Variants in CTPS1 observed in about 807,000 individuals in gnomAD.
CTPS1 encodes CTP synthase 1.
CTPS1 carries 25 observed loss-of-function variants against 80.5 expected under a neutral mutation model. That is an observed-to-expected ratio of 0.31 (90% CI 0.23 to 0.43). CTPS1 has a LOEUF of 0.43. CTPS1 is among the 20% of genes least tolerant of loss of function. The pLI is 1.00. For missense variants in CTPS1, 442 were observed against 725.7 expected, an observed-to-expected ratio of 0.61 and a Z score of 4.49; for synonymous variants, 267 against 252.5, an observed-to-expected ratio of 1.06 and a Z score of -0.54.
chr1:41,010,291 T>C, intron 18 of CTPS1, 37 bp downstream of exon 18: 2 of 1,421,324 alleles, frequency 1.4e-6, no homozygotes, highest in Middle Eastern at 1.8e-4. Flanking sequence ...TTTAAAAACA[T>C]GGTGATAACA....
intron 9 of CTPS1, among the ~76,000 whole-genome samples, chr1:40,998,242 C>A (rs898579750): frequency 1.3e-5 from 2 of 151,940 alleles, no homozygotes; most frequent in East Asian, 3.9e-4. Flanking sequence ...ACTTACAATA[C>A]AAAACATTAG....
At position 41,002,141 on chromosome 1, in the gene CTPS1, G is replaced by A. The variant is rs763044980; in HGVS notation, c.1095-19G>A. 1 of 1,611,758 alleles carries A rather than the reference G, an allele frequency of 6.2e-7. No homozygotes were observed. Among genetic ancestry groups the A allele is most frequent in the Non-Finnish European group, 8.5e-7 (1 of 1,178,020 alleles). ...GGTAGAAAAGGGGAATTGCCTTTGTGGTTTGTTCTTTTGTGCAGTGGAGTG... is the reference window on the plus strand; with the variant it reads ...GGTAGAAAAGGGGAATTGCCTTTGTAGTTTGTTCTTTTGTGCAGTGGAGTG... On this transcript the variant is annotated intron_variant, in intron 10 of 18. Coordinates refer to ENST00000650070, the MANE Select transcript of CTPS1 (RefSeq NM_001905.4).
At chr1:40,991,661 C>T (rs1170409547) in intron 6 of CTPS1, 104 bp from the exon 7 acceptor site, 7 of 732,700 alleles carry the variant, frequency 9.6e-6, no homozygotes, top group African/African-American at 5.3e-5. Context: ...TTAACGTTTT[C>T]GTTCATCTTA....
At position 41,003,164 on chromosome 1, in the gene CTPS1, C is replaced by T; in HGVS notation, c.1240C>T (p.Leu414=). The T allele has an allele frequency of 6.2e-7, 1 of 1,614,122 alleles. No individual in the cohort carries two copies. Among genetic ancestry groups the T allele is most frequent in the Non-Finnish European group, 8.5e-7 (1 of 1,180,022 alleles). The part of the protein sequence containing the change: ...LAVVEFSRNV[L]GWQDANSTEF... The stretch of plus-strand genomic sequence containing the variant: ...AGTGGTTGAATTCTCAAGAAACGTG[C>T]TGGGATGGCAAGGTAAGCGTGCATT... The change falls in exon 12 of 19, where the codon CTG becomes TTG. Residue 414 remains leucine (L), a synonymous_variant. Coordinates refer to ENST00000650070, the MANE Select transcript of CTPS1 (RefSeq NM_001905.4).
chr1:40,999,265 G>A (rs563138477), intron 9 of CTPS1, among the ~76,000 whole-genome samples: 2 of 152,176 alleles, frequency 1.3e-5, no homozygotes, highest in Non-Finnish European at 2.9e-5. Context: ...GATGGAAATT[G>A]TGAATTGGAG....
intron 1 of CTPS1, chr1:40,981,865 G>C (rs149697812): frequency 1.8e-6 from 1 of 563,500 alleles, no homozygotes; most frequent in South Asian, 1.9e-5. Flanking sequence ...TTCTTGCTCT[G>C]GGGAGGGGGT....
At position 41,007,611 on chromosome 1, in the gene CTPS1, A is replaced by G. The variant is rs41308258; in HGVS notation, c.1393+66A>G. The G allele has an allele frequency of 0.12, 160,467 of 1,377,248 alleles. 9,737 individuals are homozygous for G. The highest frequency in any genetic ancestry group is 0.15 in the Admixed American group (8,329 of 55,518). 85.3% of individuals were successfully genotyped at this position (1,377,248 alleles called of 1,614,324 possible). A position where few individuals can be genotyped will look rare whatever the true frequency, so the allele number is the denominator to read the frequency against. On this transcript the variant is annotated intron_variant, in intron 14 of 18. Coordinates refer to ENST00000650070, the MANE Select transcript of CTPS1 (RefSeq NM_001905.4). The surrounding 1 kb of genome is among the most constrained non-coding windows in gnomAD (Gnocchi z 4.4). Reference sequence around the variant, plus strand: ...TGCCCAGGACGCGTGTCTTAGGGTGATGCTGTGGCTTCGAGGAGCAGGCTG... The same window carrying G: ...TGCCCAGGACGCGTGTCTTAGGGTGGTGCTGTGGCTTCGAGGAGCAGGCTG...
At chr1:40,997,248 C>T in intron 8 of CTPS1, 146 bp from the exon 9 acceptor site, 1 of 933,930 alleles carries the variant, frequency 1.1e-6, no homozygotes, top group Non-Finnish European at 1.6e-6. Context: ...CCCGCCTCAG[C>T]CTTTCAAAGT....
chr1:41,000,001 A>G (rs1359712517), intron 9 of CTPS1, among the ~76,000 whole-genome samples: 2 of 152,226 alleles, frequency 1.3e-5, no homozygotes, highest in Non-Finnish European at 2.9e-5. Context: ...AAAAAGTTAA[A>G]AAAGAAAAGG....
rs1553178019 is a variant in CTPS1, at chr1:40,980,199, C to CCCCCCCCACACCCTCCG, written c.-14+377_-14+378insACACCCTCCGCCCCCCC. The CCCCCCCCACACCCTCCG allele has an allele frequency of 3.9e-4, 6 of 15,494 alleles. No individual in the cohort carries two copies. In the Admixed American group the frequency reaches 4.1e-3, roughly 11 times the overall value. The allele number at this position is 15,494 out of a possible 1,614,324, so 1.0% of individuals were successfully genotyped here. A position where few individuals can be genotyped will look rare whatever the true frequency, so the allele number is the denominator to read the frequency against. ...AAGGCCGTAGGGGAGTGGAGCGGCG[C>CCCCCCCCACACCCTCCG]CCCCCCCCACACCCTCCGCCCTTGC... On this transcript the variant is annotated intron_variant, in intron 1 of 18. Transcript: ENST00000650070.
At chr1:40,991,988 C>T (rs1303081042) in intron 7 of CTPS1, 143 bp downstream of exon 7, 5 of 653,662 alleles carry the variant, frequency 7.6e-6, no homozygotes, top group Non-Finnish European at 1.4e-5. Context: ...CGGCCATTCC[C>T]TGCCTCTCCT....
At chr1:40,990,531 T>A (rs1034907955) in intron 5 of CTPS1, among the ~76,000 whole-genome samples, 3 of 152,110 alleles carry the variant, frequency 2.0e-5, no homozygotes, top group Admixed American at 2.0e-4. Flanking sequence ...ACACCTGTTA[T>A]CTCAGCAGTT....
intron 7 of CTPS1, among the ~76,000 whole-genome samples, chr1:40,993,629 A>G (rs555296397): frequency 2.0e-5 from 3 of 152,178 alleles, no homozygotes; most frequent in African/African-American, 7.2e-5. Flanking sequence ...GTGAGCCGGC[A>G]ATGCCCAGCC....
Position 40,981,904 on chromosome 1 carries a change from C to T in CTPS1, c.-13-1374C>T. ...GCGGGGGAATGCTTCGAGCACAACT[C>T]CTTAGTTTTCTTGTTCCTTAGTTTA... On this transcript the variant is annotated intron_variant, in intron 1 of 18. Coordinates refer to ENST00000650070, the MANE Select transcript of CTPS1 (RefSeq NM_001905.4). The T allele has an allele frequency of 1.6e-5, 17 of 1,065,680 alleles. No individual in the cohort carries two copies. In the South Asian group the frequency reaches 2.3e-4, roughly 14 times the overall value. The allele number at this position is 1,065,680 out of a possible 1,614,324, so 66.0% of individuals were successfully genotyped here. A position where few individuals can be genotyped will look rare whatever the true frequency, so the allele number is the denominator to read the frequency against.
intron 18 of CTPS1, among the ~76,000 whole-genome samples, chr1:41,010,854 A>T (rs564159033): frequency 6.6e-6 from 1 of 152,376 alleles, no homozygotes; most frequent in East Asian, 1.9e-4. Flanking sequence ...AAAGTGCAAT[A>T]ACTGTGGGCA....
intron 7 of CTPS1, among the ~76,000 whole-genome samples, chr1:40,992,627 G>A (rs1258142905): frequency 1.3e-5 from 2 of 151,686 alleles, no homozygotes; most frequent in Admixed American, 6.6e-5. Flanking sequence ...TTCTGGCCTA[G>A]CAAGTGAAGG....
chr1:40,980,829 CTG>C (rs980144474), intron 1 of CTPS1: 10 of 152,524 alleles, frequency 6.6e-5, no homozygotes, highest in African/African-American at 2.4e-4. Flanking sequence ...TTATCTTCCA[CTG>C]TATATCCCTG....
Position 41,009,505 on chromosome 1 carries a change from C to T in CTPS1, c.1607C>T (p.Pro536Leu), listed in dbSNP as rs1442569944. 1 of 1,613,602 alleles carries T rather than the reference C, an allele frequency of 6.2e-7. No individual in the cohort carries two copies. Among genetic ancestry groups the T allele is most frequent in the Non-Finnish European group, 8.5e-7 (1 of 1,179,900 alleles). The stretch of plus-strand genomic sequence containing the variant: ...GAGTTCCTGTCCAGGCCTATCAAGC[C>T]CTCCCCACCATACTTTGGCCTCCTC... Reference protein sequence around the residue: ...HPEFLSRPIKPSPPYFGLLLA... With the variant: ...HPEFLSRPIKLSPPYFGLLLA... The change falls in exon 17 of 19, where the codon CCC becomes CTC. Residue 536 changes from proline to leucine, a missense_variant. Transcript: ENST00000650070.
Position 41,012,063 on chromosome 1 carries a change from T to A in CTPS1, c.*415T>A, listed in dbSNP as rs1643186484. 6.6e-6 allele frequency: 1 copy of A among 152,208 alleles called. No individual in the cohort carries two copies. The highest frequency in any genetic ancestry group is 1.5e-5 in the Non-Finnish European group (1 of 68,062). The allele number at this position is 152,208 out of a possible 1,614,324, so 9.4% of individuals were successfully genotyped here. ...CCGAGCATGGAGAGAGGATTTTAGC[T>A]AGGATTTGAACACTTGGTGCTGGGA... On this transcript the variant is annotated 3_prime_UTR_variant, in exon 19 of 19. Coordinates refer to ENST00000650070, the MANE Select transcript of CTPS1 (RefSeq NM_001905.4).
Sources: gnomAD v4.1 joint callset for allele counts (sites outside exome capture counted in the v4.1 genomes callset) on GRCh38, gnomAD v4.1.1 for gene constraint, Gnocchi (gnomAD v3.1) non-coding constraint, MANE v1.5 for transcripts, NCBI Gene and HGNC (gene_info 2026-07-23, HGNC 2026-07-21) for gene names.